Variants in NOL8 observed in about 807,000 individuals in gnomAD.
NOL8 encodes the protein nucleolar protein Nop132.
In NOL8, 93 loss-of-function variants were observed where a neutral mutation model predicts 116.1. The observed-to-expected ratio is 0.80, with a 90% CI of 0.68 to 0.95. The LOEUF (loss-of-function observed/expected upper bound fraction) is 0.95. Among genes scored for constraint, NOL8 ranks in the 40% least tolerant of loss-of-function variants. The pLI is 0.00. For synonymous variants in NOL8, 419 were observed against 469.0 expected (o/e 0.89, Z 1.38); for missense variants, 1,291 against 1,382.8 (o/e 0.93, Z 1.05).
intron 4 of NOL8, chr9:92,319,923 C>A (rs914333109): frequency 2.6e-6 from 1 of 385,078 alleles, no homozygotes; most frequent in Non-Finnish European, 5.2e-6. Flanking sequence ...CTCCCAAATC[C>A]CTGACATGCA....
At chr9:92,319,185 A>G in intron 5 of NOL8, 36 bp downstream of exon 5, 2 of 1,489,034 alleles carry the variant, frequency 1.3e-6, no homozygotes, top group Non-Finnish European at 8.9e-7. Context: ...AGTTTCCAAG[A>G]CCATGTAATT....
intron 10 of NOL8, among the ~76,000 whole-genome samples, chr9:92,307,687 A>G (rs1008803811): frequency 6.6e-6 from 1 of 152,202 alleles, no homozygotes; most frequent in Admixed American, 6.5e-5. Flanking sequence ...TAAATAACCA[A>G]CTAACAGAAA....
At chr9:92,312,870 G>T (rs1838968313) in intron 7 of NOL8, among the ~76,000 whole-genome samples, 1 of 150,034 alleles carries the variant, frequency 6.7e-6, no homozygotes, top group South Asian at 2.1e-4. Context: ...CCACCTATTG[G>T]GTACTATGCT....
At chr9:92,312,687 C>T (rs1375029827) in intron 7 of NOL8, among the ~76,000 whole-genome samples, 4 of 151,092 alleles carry the variant, frequency 2.6e-5, no homozygotes, top group Admixed American at 2.6e-4. Context: ...ATTAGCTGGG[C>T]GTGGTGGCAG....
In NOL8 at chr9:92,315,618, A is replaced by G. The variant is rs777423312; in HGVS notation, c.1007T>C (p.Val336Ala). ...GCCTGATTTGAAATCATCCCTTACA[A>G]CTTCAAAAGGATCACTTTCAGATTC... ...INESESDPFE[V>A]VRDDFKSGVH... Residue 336 changes from valine (V) to alanine (A), a missense_variant, in exon 7 of 17, where the codon GTT (valine) becomes GCT (alanine). Transcript: ENST00000442668. 5.0e-6 allele frequency: 8 copies of G among 1,613,296 alleles called. No individual in the cohort carries two copies. Among genetic ancestry groups the G allele is most frequent in the Non-Finnish European group, 6.8e-6 (8 of 1,179,686 alleles).
chr9:92,297,951 A>C, intron 16 of NOL8, 65 bp from the exon 17 acceptor site: 1 of 1,344,978 alleles, frequency 7.4e-7, no homozygotes, highest in Non-Finnish European at 1.0e-6. Flanking sequence ...AGTAGATAGA[A>C]GTAAAACAGG....
chr9:92,319,491 C>T, intron 4 of NOL8, 135 bp from the exon 5 acceptor site: 1 of 801,936 alleles, frequency 1.2e-6, no homozygotes. Context: ...AACAAAAATG[C>T]TTTCTTAGTA....
chr9:92,319,806 G>T, intron 4 of NOL8: 1 of 325,152 alleles, frequency 3.1e-6, no homozygotes, highest in South Asian at 2.6e-5. Context: ...CTTACCACCA[G>T]CAACTGAGCT....
At chr9:92,314,130 A>G (rs1284241073) in intron 7 of NOL8, 137 bp downstream of exon 7, 12 of 1,297,214 alleles carry the variant, frequency 9.3e-6, no homozygotes, top group Non-Finnish European at 6.9e-6. Context: ...CAGATGAAAA[A>G]GCTAACTCAA....
intron 7 of NOL8, 113 bp from the exon 8 acceptor site, chr9:92,311,372 T>G (rs1838776857): frequency 1.5e-6 from 1 of 648,200 alleles, no homozygotes; most frequent in African/African-American, 1.9e-5. Flanking sequence ...ACTAAAGAGC[T>G]TCTGCACAGC....
intron 9 of NOL8, 116 bp from the exon 10 acceptor site, chr9:92,310,377 G>A: frequency 8.6e-7 from 1 of 1,168,608 alleles, no homozygotes; most frequent in Non-Finnish European, 1.2e-6. Flanking sequence ...TAAGATGTTT[G>A]CCTACCTCCA....
chr9:92,308,720 G>A (rs986037664), intron 10 of NOL8, among the ~76,000 whole-genome samples: 6 of 152,214 alleles, frequency 3.9e-5, no homozygotes, highest in South Asian at 2.1e-4. Context: ...TGGAAGCAAA[G>A]TGAACATTTC....
chr9:92,305,247 A>G (rs569621912), intron 12 of NOL8, among the ~76,000 whole-genome samples: 3 of 152,172 alleles, frequency 2.0e-5, no homozygotes, highest in Non-Finnish European at 4.4e-5. Flanking sequence ...AGAAGAGGCC[A>G]TGTGAAGATA....
At position 92,324,194 on chromosome 9, in the gene NOL8, T is replaced by A. The variant is rs1446309828; in HGVS notation, c.-33A>T. On this transcript the variant is annotated 5_prime_UTR_variant, in exon 2 of 17. Transcript: ENST00000442668. ...GGGCATATACTTGGGTGTGTTTCAGTGGGAAAAGTAATTTTCTGTATACAG... is the reference window on the plus strand; with the variant it reads ...GGGCATATACTTGGGTGTGTTTCAGAGGGAAAAGTAATTTTCTGTATACAG... 1.3e-6 allele frequency: 2 copies of A among 1,597,010 alleles called. No homozygotes were observed. The highest frequency in any genetic ancestry group is 1.7e-6 in the Non-Finnish European group (2 of 1,171,656).
chr9:92,310,645 A>C lies in NOL8; in HGVS notation c.2503T>G (p.Phe835Val). 1 of 1,611,932 alleles carries C rather than the reference A, an allele frequency of 6.2e-7. No individual in the cohort carries two copies. The highest frequency in any genetic ancestry group is 8.5e-7 in the Non-Finnish European group (1 of 1,179,286). The change falls in exon 9 of 17, where the codon TTT becomes GTT. Residue 835 changes from phenylalanine to valine, a missense_variant. Physicochemically the swap from Phe to Val is conservative, Grantham distance 50 (BLOSUM62 -1). Coordinates refer to ENST00000442668, the MANE Select transcript of NOL8 (RefSeq NM_017948.6). ...GATTCGTCATCATCACTGCTATCAA[A>C]CAGCTTCCCTGATGTTTTACCCATA... ...ESMGKTSGKL[F>V]DSSDDDESDS...
At position 92,314,356 on chromosome 9, in the gene NOL8, C is replaced by T. The variant is rs769125398; in HGVS notation, c.2269G>A (p.Asp757Asn). 6.2e-7 allele frequency: 1 copy of T among 1,613,110 alleles called. No individual in the cohort carries two copies. The highest frequency in any genetic ancestry group is 8.5e-7 in the Non-Finnish European group (1 of 1,179,144). ...DVSAKDKHAEDNEKRLAALEA... is the reference protein window; with the variant it reads ...DVSAKDKHAENNEKRLAALEA... ...AAGGCTGCCAAACGCTTCTCATTGTCTTCAGCATGCTTATCTTTAGCACTC... is the reference window on the plus strand; with the variant it reads ...AAGGCTGCCAAACGCTTCTCATTGTTTTCAGCATGCTTATCTTTAGCACTC... Residue 757 changes from aspartate to asparagine, a missense_variant, in exon 7 of 17, where the codon GAC becomes AAC. Asp to Asn is a conservative substitution (Grantham distance 23). Coordinates refer to ENST00000442668, the MANE Select transcript of NOL8 (RefSeq NM_017948.6).
chr9:92,300,732 A>T (rs753547230), intron 13 of NOL8: 74 of 1,173,380 alleles, frequency 6.3e-5, no homozygotes, highest in Non-Finnish European at 7.9e-5. Flanking sequence ...TTCCTTTTAA[A>T]GTACCACGGA....
chr9:92,308,047 T>C (rs890200239), intron 10 of NOL8, among the ~76,000 whole-genome samples: 3 of 152,288 alleles, frequency 2.0e-5, no homozygotes, highest in Middle Eastern at 6.8e-3. Context: ...CTCAAGGTGA[T>C]ATAGGCTGGC....
intron 11 of NOL8, 45 bp from the exon 12 acceptor site, chr9:92,305,875 C>A (rs777086079): frequency 6.0e-6 from 8 of 1,325,642 alleles, no homozygotes; most frequent in Non-Finnish European, 8.6e-6. Context: ...AAAAACAGAA[C>A]ACTAATACAA....
Sources: gnomAD v4.1 joint callset for allele counts (sites outside exome capture counted in the v4.1 genomes callset) on GRCh38, gnomAD v4.1.1 for gene constraint, MANE v1.5 for transcripts, NCBI Gene and HGNC (gene_info 2026-07-23, HGNC 2026-07-21) for gene names.